ZNRF2: variants seen among roughly 807,000 people sequenced by gnomAD.
ZNRF2 encodes the protein zinc and ring finger 2.
ZNRF2 carries 16 observed loss-of-function variants against 20.4 expected under a neutral mutation model. That is an observed-to-expected ratio of 0.79 (90% CI 0.53 to 1.19). ZNRF2 has a LOEUF of 1.19. Ranked by LOEUF, ZNRF2 falls within the 50% of genes most tolerant of loss-of-function variation. The pLI is 0.00. For missense variants in ZNRF2, 363 were observed against 332.4 expected (o/e 1.09, Z -0.72); for synonymous variants, 178 against 144.9 (o/e 1.23, Z -1.64).
chr7:30,351,921 G>C (rs746239092), intron 2 of ZNRF2, among the ~76,000 whole-genome samples: 1 of 151,970 alleles, frequency 6.6e-6, no homozygotes, highest in Non-Finnish European at 1.5e-5. Flanking sequence ...AGGCGCCTAA[G>C]TTCCTGGTCT....
chr7:30,287,880 G>A (rs144192133), intron 1 of ZNRF2, among the ~76,000 whole-genome samples: 7,216 of 133,156 alleles, frequency 0.054, 9 homozygotes, highest in Non-Finnish European at 0.071. Context: ...ATAATTTCCT[G>A]TGTTTGGTGA....
chr7:30,289,788 GTATTT>G (rs1341091695), intron 1 of ZNRF2: 1 of 534,334 alleles, frequency 1.9e-6, no homozygotes, highest in Non-Finnish European at 3.8e-6. Flanking sequence ...TAAGAACCTG[GTATTT>G]TGATGCTTTG....
chr7:30,347,251 A>G (rs1341104201), intron 2 of ZNRF2, among the ~76,000 whole-genome samples: 1 of 152,242 alleles, frequency 6.6e-6, no homozygotes, highest in Non-Finnish European at 1.5e-5. Context: ...AGAAAAAAAT[A>G]GAATGAAAGT....
chr7:30,293,935 A>G (rs1036199372), intron 1 of ZNRF2, among the ~76,000 whole-genome samples: 2 of 152,164 alleles, frequency 1.3e-5, no homozygotes, highest in African/African-American at 4.8e-5. Context: ...TAATTTACCT[A>G]TTTATATGTG....
chr7:30,353,746 T>G (rs967202585), intron 2 of ZNRF2, among the ~76,000 whole-genome samples: 9 of 152,158 alleles, frequency 5.9e-5, no homozygotes, highest in African/African-American at 2.2e-4. Flanking sequence ...GAAGCATTTT[T>G]TTTTTACTTG....
intron 3 of ZNRF2, among the ~76,000 whole-genome samples, chr7:30,358,891 G>A (rs1014311859): frequency 5.3e-5 from 8 of 151,942 alleles, no homozygotes; most frequent in Admixed American, 3.9e-4. Context: ...TTTCTCTCTC[G>A]ATTCATAAGA....
chr7:30,342,398 C>T (rs1030764060), intron 2 of ZNRF2, among the ~76,000 whole-genome samples: 6 of 152,122 alleles, frequency 3.9e-5, no homozygotes, highest in African/African-American at 7.2e-5. Context: ...GTGCTTCCTT[C>T]AGGAGCTCTT....
At chr7:30,291,491 A>G (rs1798909853) in intron 1 of ZNRF2, among the ~76,000 whole-genome samples, 1 of 152,246 alleles carries the variant, frequency 6.6e-6, no homozygotes, top group African/African-American at 2.4e-5. Flanking sequence ...AACTGATAGA[A>G]GATGCCTATG....
intron 1 of ZNRF2, among the ~76,000 whole-genome samples, chr7:30,292,415 C>T (rs949983633): frequency 6.6e-6 from 1 of 152,026 alleles, no homozygotes; most frequent in African/African-American, 2.4e-5. Context: ...ACGCGCTTTT[C>T]CGGACACTAT....
Position 30,285,431 on chromosome 7 carries a change from C to T in ZNRF2, c.74C>T (p.Ser25Phe), listed in dbSNP as rs945106276. The change falls in exon 1 of 5, where the codon TCC becomes TTC. Residue 25 changes from serine (S) to phenylalanine (F), a missense_variant. Ser to Phe is a radical substitution (Grantham distance 155). This residue lies in a region of ZNRF2 where 302 missense variants were observed against 231.5 expected (regional missense o/e 1.30). Transcript: ENST00000323037. ...TRAYSGSDLP[S>F]SSSGGANGTA... ...GCGTACTCGGGCTCGGATCTACCTT[C>T]CAGTAGCAGCGGAGGCGCCAATGGG... is the stretch of plus-strand genomic sequence containing the variant. 5 of 1,208,528 alleles carry T rather than the reference C, an allele frequency of 4.1e-6. No homozygotes were observed. The African/African-American group carries it at 6.6e-5, about 16-fold the overall frequency. The allele number at this position is 1,208,528 out of a possible 1,614,324, so 74.9% of individuals were successfully genotyped here. A position where few individuals can be genotyped will look rare whatever the true frequency, so the allele number is the denominator to read the frequency against.
intron 1 of ZNRF2, among the ~76,000 whole-genome samples, chr7:30,314,622 T>C (rs1319868649): frequency 1.3e-5 from 2 of 152,046 alleles, no homozygotes; most frequent in South Asian, 4.2e-4. Flanking sequence ...TGCAGTGTTA[T>C]TTTTAAGAGT....
rs1322416378 is a variant in ZNRF2, at chr7:30,287,912, G to T, written c.469+2086G>T. The stretch of plus-strand genomic sequence containing the variant: ...GTGATTCAGATGAGGAACCTCAGTT[G>T]AGAATTGCTGGAAAGACATCAGAGA... On this transcript the variant is annotated intron_variant, in intron 1 of 4. Transcript: ENST00000323037. 2.0e-5 allele frequency among the ~76,000 whole-genome samples: 3 copies of T among 152,192 alleles called. No individual in the cohort carries two copies. The East Asian group carries it at 5.8e-4, about 29-fold the overall frequency.
At chr7:30,295,046 A>AGTGTGTGT (rs1798991587) in intron 1 of ZNRF2, among the ~76,000 whole-genome samples, 1 of 98,524 alleles carries the variant, frequency 1.0e-5, no homozygotes, top group Non-Finnish European at 2.0e-5. Flanking sequence ...AGAGAGAGAG[A>AGTGTGTGT]GAGAGTGTGT....
At chr7:30,360,464 G>A (rs144000362) in intron 3 of ZNRF2, among the ~76,000 whole-genome samples, 83 of 152,228 alleles carry the variant, frequency 5.5e-4, no homozygotes, top group African/African-American at 2.0e-3. Context: ...GGGAGGCTGA[G>A]GTGGGTGGAT....
intron 1 of ZNRF2, among the ~76,000 whole-genome samples, chr7:30,312,743 C>T (rs1799310884): frequency 6.6e-6 from 1 of 152,156 alleles, no homozygotes; most frequent in African/African-American, 2.4e-5. Context: ...GTCCTAAAGA[C>T]ATTTAAGTGA....
intron 3 of ZNRF2, among the ~76,000 whole-genome samples, chr7:30,358,931 A>T (rs1800081124): frequency 6.6e-6 from 1 of 152,218 alleles, no homozygotes; most frequent in Non-Finnish European, 1.5e-5. Context: ...TTCATAGAGT[A>T]TAAGGGTATA....
intron 2 of ZNRF2, among the ~76,000 whole-genome samples, chr7:30,326,184 A>C (rs1799549213): frequency 6.6e-6 from 1 of 152,142 alleles, no homozygotes; most frequent in African/African-American, 2.4e-5. Context: ...GGTTTGTTAT[A>C]TAGGTAAACT....
At chr7:30,303,383 T>C (rs1799150198) in intron 1 of ZNRF2, among the ~76,000 whole-genome samples, 1 of 152,228 alleles carries the variant, frequency 6.6e-6, no homozygotes, top group African/African-American at 2.4e-5. Context: ...TTAGATGTTT[T>C]ATGGCTCAAA....
intron 2 of ZNRF2, among the ~76,000 whole-genome samples, chr7:30,331,451 C>G (rs2127949194): frequency 6.6e-6 from 1 of 152,126 alleles, no homozygotes; most frequent in Middle Eastern, 3.4e-3. Context: ...GGTTAAGTGG[C>G]AGATTAGATA....
Sources: allele counts gnomAD v4.1 joint callset (sites outside exome capture counted in the v4.1 genomes callset), GRCh38; gene constraint gnomAD v4.1.1; regional missense constraint gnomAD v4.1.1; transcripts MANE v1.5; gene names NCBI Gene and HGNC (gene_info 2026-07-23, HGNC 2026-07-21).